The following LIMCH1 variants were observed in gnomAD, a reference collection of about 807,000 sequenced individuals.
LIMCH1 encodes LIM and calponin homology domains-containing protein 1.
In LIMCH1, 113 loss-of-function variants were observed where a neutral mutation model predicts 176.5. That is an observed-to-expected ratio of 0.64 (90% CI 0.55 to 0.75). The LOEUF (loss-of-function observed/expected upper bound fraction) is 0.75. Ranked by LOEUF, LIMCH1 falls within the 30% of genes least tolerant of loss-of-function variation. The pLI, the probability that LIMCH1 is intolerant of heterozygous loss-of-function variation, is 0.00. For synonymous variants in LIMCH1, 619 were observed against 645.9 expected (o/e 0.96, Z 0.63); for missense variants, 1,674 against 1,814.9 (o/e 0.92, Z 1.41).
intron 4 of LIMCH1, chr4:41,612,896 C>A: frequency 7.0e-7 from 1 of 1,423,408 alleles, no homozygotes; most frequent in South Asian, 1.6e-5. Context: ...AAGACAGCTC[C>A]CTTTCAGAGC....
chr4:41,531,745 T>TCCTTCATG (rs893662051), intron 3 of LIMCH1, among the ~76,000 whole-genome samples: 1 of 152,186 alleles, frequency 6.6e-6, no homozygotes, highest in Admixed American at 6.5e-5. Context: ...GACAGAATTC[T>TCCTTCATG]CCTTCATGGG....
At chr4:41,688,025 C>A in intron 29 of LIMCH1, 108 bp downstream of exon 29, 2 of 808,210 alleles carry the variant, frequency 2.5e-6, no homozygotes, top group South Asian at 1.5e-5. Context: ...AGGGATGTGT[C>A]CATCCACATC....
intron 1 of LIMCH1, among the ~76,000 whole-genome samples, chr4:41,372,357 C>T (rs2054101290): frequency 6.6e-6 from 1 of 152,088 alleles, no homozygotes; most frequent in African/African-American, 2.4e-5. Flanking sequence ...CTGTATTTTC[C>T]ACAAGCCCTG....
intron 22 of LIMCH1, among the ~76,000 whole-genome samples, chr4:41,674,379 C>A (rs776599422): frequency 6.6e-6 from 1 of 152,208 alleles, no homozygotes; most frequent in Non-Finnish European, 1.5e-5. Context: ...CAAAGAGGGG[C>A]CATGCCCCTG....
chr4:41,616,983 C>T (rs952747236), intron 5 of LIMCH1, among the ~76,000 whole-genome samples: 1 of 151,904 alleles, frequency 6.6e-6, no homozygotes, highest in Admixed American at 6.6e-5. Flanking sequence ...AAGACATTCA[C>T]CAAAGAATAA....
At chr4:41,614,455 A>G (rs1055573429) in intron 5 of LIMCH1, among the ~76,000 whole-genome samples, 12 of 152,202 alleles carry the variant, frequency 7.9e-5, no homozygotes, top group Non-Finnish European at 1.6e-4. Context: ...GCGGAAAAAC[A>G]TGAGGGCTAG....
At chr4:41,618,332 G>A (rs951038825) in intron 5 of LIMCH1, among the ~76,000 whole-genome samples, 3 of 152,152 alleles carry the variant, frequency 2.0e-5, no homozygotes, top group African/African-American at 7.2e-5. Context: ...AATTATTGGG[G>A]CTTTTGTCCA....
chr4:41,470,578 C>T (rs1424747019), intron 1 of LIMCH1, among the ~76,000 whole-genome samples: 1 of 152,164 alleles, frequency 6.6e-6, no homozygotes, highest in Non-Finnish European at 1.5e-5. Flanking sequence ...TACACTTCTC[C>T]TCACCATTCT....
intron 23 of LIMCH1, among the ~76,000 whole-genome samples, chr4:41,677,473 A>G (rs1345691547): frequency 1.3e-5 from 2 of 152,230 alleles, no homozygotes; most frequent in African/African-American, 4.8e-5. Context: ...GCTACTGATT[A>G]TCAATTCTAG....
At chr4:41,532,333 A>C (rs773637053) in intron 3 of LIMCH1, among the ~76,000 whole-genome samples, 6 of 152,146 alleles carry the variant, frequency 3.9e-5, no homozygotes, top group Non-Finnish European at 7.4e-5. Flanking sequence ...AAAAATGTAC[A>C]GGTCATCTCG....
chr4:41,486,342 C>T (rs1028313279), intron 1 of LIMCH1, among the ~76,000 whole-genome samples: 10 of 152,116 alleles, frequency 6.6e-5, no homozygotes, highest in African/African-American at 1.7e-4. Flanking sequence ...GAGAGTCCTT[C>T]GTCAGTCAGG....
At chr4:41,469,468 G>A (rs1582723466) in intron 1 of LIMCH1, among the ~76,000 whole-genome samples, 1 of 148,714 alleles carries the variant, frequency 6.7e-6, no homozygotes, top group Non-Finnish European at 1.5e-5. Flanking sequence ...AGAGAGGAAG[G>A]TGACTCTCAG....
At chr4:41,399,078 A>G (rs1408147503) in intron 1 of LIMCH1, among the ~76,000 whole-genome samples, 1 of 152,170 alleles carries the variant, frequency 6.6e-6, no homozygotes, top group African/African-American at 2.4e-5. Context: ...AGCTTTGCAG[A>G]GGTAAATTAA....
chr4:41,435,305 A>G (rs2061973795), intron 1 of LIMCH1, among the ~76,000 whole-genome samples: 1 of 152,228 alleles, frequency 6.6e-6, no homozygotes, highest in Non-Finnish European at 1.5e-5. Context: ...ACGATGAAGA[A>G]GGGACCATGA....
At chr4:41,487,827 T>C (rs2069950156) in intron 1 of LIMCH1, among the ~76,000 whole-genome samples, 1 of 151,824 alleles carries the variant, frequency 6.6e-6, no homozygotes, top group Non-Finnish European at 1.5e-5. Context: ...TAATTTTTTG[T>C]ATTTTTAGTA....
intron 1 of LIMCH1, among the ~76,000 whole-genome samples, chr4:41,556,470 TG>T (rs1333994070): frequency 6.6e-6 from 1 of 151,846 alleles, no homozygotes; most frequent in Non-Finnish European, 1.5e-5. Context: ...TCAAGGTCCC[TG>T]GTTCTACCTT....
chr4:41,427,656 A>G (rs935236267), intron 1 of LIMCH1, among the ~76,000 whole-genome samples: 3 of 152,240 alleles, frequency 2.0e-5, no homozygotes, highest in African/African-American at 7.2e-5. Context: ...GGATTTTAAC[A>G]AAGGAGCTTT....
Position 41,650,574 on chromosome 4 carries a change from T to C in LIMCH1, c.3002T>C (p.Ile1001Thr). ...GACAACGGTAGCATCGAGATCAACA[T>C]AAAGAAGCCAAACTCTGTTCCCCAA... ...KQDNGSIEIN[I>T]KKPNSVPQEL... Residue 1001 changes from isoleucine to threonine, a missense_variant, in exon 18 of 32, where the codon ATA becomes ACA. This residue lies in a region of LIMCH1 where 1,015 missense variants were observed against 1,102.5 expected (regional missense o/e 0.92). Coordinates refer to ENST00000503057, the MANE Select transcript of LIMCH1 (RefSeq NM_001330672.2). 1 of 1,613,758 alleles carries C rather than the reference T, an allele frequency of 6.2e-7. No homozygotes were observed. The highest frequency in any genetic ancestry group is 8.5e-7 in the Non-Finnish European group (1 of 1,179,938).
chr4:41,436,789 T>C (rs2062129348), intron 1 of LIMCH1, among the ~76,000 whole-genome samples: 1 of 149,290 alleles, frequency 6.7e-6, no homozygotes, highest in Non-Finnish European at 1.5e-5. Flanking sequence ...ATTGGAAGTA[T>C]GGAGCTGGTT....
Sources: gnomAD v4.1 joint callset for allele counts (sites outside exome capture counted in the v4.1 genomes callset) on GRCh38, gnomAD v4.1.1 for gene constraint, gnomAD v4.1.1 regional missense constraint, MANE v1.5 for transcripts, NCBI Gene and HGNC (gene_info 2026-07-23, HGNC 2026-07-21) for gene names.